SUPT3H: variants seen among roughly 807,000 people sequenced by gnomAD.
The protein encoded by SUPT3H is SPT3 homolog, SAGA and STAGA complex component.
A neutral mutation model predicts 44.3 loss-of-function variants in SUPT3H; 44 were observed. That is an observed-to-expected ratio of 0.99 (90% CI 0.78 to 1.28). The LOEUF is 1.28. SUPT3H is among the 50% of genes most tolerant of loss of function. SUPT3H has a pLI of 0.00. For missense variants in SUPT3H, 380 were observed against 387.1 expected (o/e 0.98, Z 0.15); for synonymous variants, 124 against 125.6 (o/e 0.99, Z 0.09).
rs1777091731 is a variant in SUPT3H, at chr6:45,276,728, A to C, written c.101+88473T>G. ...GAACACACCTGCTACTTGATGAGAG[A>C]GTAAAACCAAGTCAAACAGTTCCTC... On this transcript the variant is annotated intron_variant, in intron 2 of 10. Coordinates refer to ENST00000371459, the MANE Select transcript of SUPT3H (RefSeq NM_003599.4). 2.6e-5 allele frequency among the ~76,000 whole-genome samples: 4 copies of C among 152,342 alleles called. No individual in the cohort carries two copies. In the South Asian group the frequency reaches 8.3e-4, roughly 32 times the overall value.
At chr6:45,071,357 C>T (rs1224212091) in intron 3 of SUPT3H, among the ~76,000 whole-genome samples, 1 of 151,592 alleles carries the variant, frequency 6.6e-6, no homozygotes, top group East Asian at 1.9e-4. Context: ...GAGGAAACTA[C>T]CTAACCAAAC....
Position 44,886,880 on chromosome 6 carries a change from A to G in SUPT3H, c.912+45773T>C, listed in dbSNP as rs1417896902. Among the ~76,000 whole-genome samples, 9 of 152,192 alleles carry G rather than the reference A, an allele frequency of 5.9e-5. 1 individual carries two copies. The highest frequency in any genetic ancestry group is 2.6e-4 in the Admixed American group (4 of 15,274). On this transcript the variant is annotated intron_variant, in intron 10 of 10. Transcript: ENST00000371459. The stretch of plus-strand genomic sequence containing the variant: ...GCTATATTCAGGAAACCCATCTCAC[A>G]TGCGGAGACACACAGAAGCTCAAAA...
chr6:45,248,913 CA>C (rs61451412), intron 2 of SUPT3H, among the ~76,000 whole-genome samples: 235 of 115,214 alleles, frequency 2.0e-3, no homozygotes, highest in Admixed American at 2.4e-3. Flanking sequence ...GACTCCATCT[CA>C]AAAAAAAAAA....
chr6:45,045,983 T>C (rs1789335170), intron 3 of SUPT3H, among the ~76,000 whole-genome samples: 2 of 152,188 alleles, frequency 1.3e-5, no homozygotes, highest in Non-Finnish European at 2.9e-5. Context: ...CTAAGAAGTC[T>C]GTCTAACTGA....
At chr6:44,874,901 A>G (rs1367593671) in intron 10 of SUPT3H, among the ~76,000 whole-genome samples, 2 of 146,208 alleles carry the variant, frequency 1.4e-5, no homozygotes, top group Admixed American at 6.8e-5. Flanking sequence ...CCCATTCACA[A>G]TTGCTTCAAA....
chr6:45,261,529 C>T (rs967480321), intron 2 of SUPT3H, among the ~76,000 whole-genome samples: 2 of 151,784 alleles, frequency 1.3e-5, no homozygotes, highest in Non-Finnish European at 2.9e-5. Flanking sequence ...TAAAATTCAA[C>T]ATCCCTTCAT....
chr6:45,201,493 C>T (rs1762449831), intron 2 of SUPT3H, among the ~76,000 whole-genome samples: 1 of 151,728 alleles, frequency 6.6e-6, no homozygotes, highest in Admixed American at 6.6e-5. Context: ...AATATATCAA[C>T]ACACTCTGTA....
intron 2 of SUPT3H, among the ~76,000 whole-genome samples, chr6:45,243,197 C>CAAAAAAAAAAAA (rs61643038): frequency 6.9e-5 from 5 of 72,560 alleles, no homozygotes; most frequent in Admixed American, 4.0e-4. Context: ...GACTCCTTCT[C>CAAAAAAAAAAAA]AAAAAAAAAA....
intron 2 of SUPT3H, among the ~76,000 whole-genome samples, chr6:45,126,491 G>A (rs780620358): frequency 2.0e-5 from 3 of 152,032 alleles, no homozygotes; most frequent in South Asian, 4.1e-4. Context: ...AAATTAAAAC[G>A]GTCAATTTTT....
At chr6:44,997,429 A>T (rs1582967411) in intron 6 of SUPT3H, among the ~76,000 whole-genome samples, 2 of 151,784 alleles carry the variant, frequency 1.3e-5, no homozygotes, top group South Asian at 2.1e-4. Context: ...ATTCTGATTG[A>T]CACTGTCTTT....
At chr6:45,368,686 G>A (rs1795549784) in intron 1 of SUPT3H, among the ~76,000 whole-genome samples, 1 of 152,092 alleles carries the variant, frequency 6.6e-6, no homozygotes, top group African/African-American at 2.4e-5. Flanking sequence ...CACTAAAAGA[G>A]AGAAGTTTTA....
chr6:45,292,548 C>T (rs181861555), intron 2 of SUPT3H, among the ~76,000 whole-genome samples: 4 of 151,636 alleles, frequency 2.6e-5, no homozygotes, highest in Admixed American at 2.0e-4. Flanking sequence ...AGAATGGATA[C>T]GTATCCACCA....
At chr6:45,092,520 C>T (rs536738980) in intron 3 of SUPT3H, among the ~76,000 whole-genome samples, 232 of 152,012 alleles carry the variant, frequency 1.5e-3, no homozygotes, top group Middle Eastern at 3.4e-3. Flanking sequence ...GAGGCTGAGG[C>T]GGGTGGATCA....
chr6:45,323,566 T>C (rs1380582189), intron 2 of SUPT3H, among the ~76,000 whole-genome samples: 1 of 152,004 alleles, frequency 6.6e-6, no homozygotes, highest in South Asian at 2.1e-4. Context: ...CACCCCCAAC[T>C]TGGCAATAAA....
chr6:45,105,397 G>A lies in SUPT3H; in HGVS notation c.186+525C>T, dbSNP rs528034945. Among the ~76,000 whole-genome samples, 16 of 152,230 alleles carry A rather than the reference G, an allele frequency of 1.1e-4. No homozygotes were observed. In the East Asian group the frequency reaches 2.9e-3, roughly 28 times the overall value. On this transcript the variant is annotated intron_variant, in intron 3 of 10. Transcript: ENST00000371459. ...GTTACAGACCACTGCAATAAAGTGAGTCAGACAAATTTTTTTTAAATTTTT... is the reference window on the plus strand; with the variant it reads ...GTTACAGACCACTGCAATAAAGTGAATCAGACAAATTTTTTTTAAATTTTT...
At chr6:45,143,534 T>C (rs1460318303) in intron 2 of SUPT3H, among the ~76,000 whole-genome samples, 1 of 152,154 alleles carries the variant, frequency 6.6e-6, no homozygotes, top group Non-Finnish European at 1.5e-5. Context: ...CATCAAAATC[T>C]GGGATACAGC....
chr6:45,085,505 C>A (rs908635166), intron 3 of SUPT3H, among the ~76,000 whole-genome samples: 36 of 152,060 alleles, frequency 2.4e-4, no homozygotes, highest in African/African-American at 8.7e-4. Flanking sequence ...TACAACTGAA[C>A]ATATTTGGTA....
At chr6:44,964,271 T>G in intron 6 of SUPT3H, among the ~76,000 whole-genome samples, 1 of 152,086 alleles carries the variant, frequency 6.6e-6, no homozygotes, top group Admixed American at 6.6e-5. Flanking sequence ...AGATCGAGAA[T>G]GATTATCTAA....
intron 3 of SUPT3H, among the ~76,000 whole-genome samples, chr6:45,063,789 C>A (rs1268924689): frequency 7.0e-6 from 1 of 141,912 alleles, no homozygotes; most frequent in East Asian, 2.0e-4. Flanking sequence ...AGCAAAGCCT[C>A]CAAGAAATAT....
Sources: gnomAD v4.1 joint callset for allele counts (sites outside exome capture counted in the v4.1 genomes callset) on GRCh38, gnomAD v4.1.1 for gene constraint, MANE v1.5 for transcripts, NCBI Gene and HGNC (gene_info 2026-07-23, HGNC 2026-07-21) for gene names.